The following USP25 variants were observed in gnomAD, a reference collection of about 807,000 sequenced individuals.
USP25 encodes ubiquitin carboxyl-terminal hydrolase 25.
Under a neutral mutation model 158.5 loss-of-function variants are expected in USP25, and 85 were observed. The ratio of observed to expected loss-of-function variants is 0.54; its 90% CI spans 0.45 to 0.64. The LOEUF is 0.64. Ranked by LOEUF, USP25 falls within the 30% of genes least tolerant of loss-of-function variation. USP25 has a pLI of 0.00. For missense variants in USP25, 1,242 were observed against 1,327.3 expected (o/e 0.94, Z 1.00); for synonymous variants, 464 against 460.4 (o/e 1.01, Z -0.10).
rs554303165 is a variant in USP25, at chr21:15,799,894, T to G, written c.642+51T>G. On this transcript the variant is annotated intron_variant, in intron 6 of 25. Transcript: ENST00000400183. ...CAGTATATATACTCTATATGTTCTC[T>G]TATATGTGATTGATTTTTGGGCATT... is the stretch of plus-strand genomic sequence containing the variant. 5.0e-6 allele frequency: 6 copies of G among 1,206,388 alleles called. No homozygotes were observed. In the South Asian group the frequency reaches 1.2e-4, roughly 24 times the overall value. 74.7% of individuals were successfully genotyped at this position (1,206,388 alleles called of 1,614,324 possible). A position where few individuals can be genotyped will look rare whatever the true frequency, so the allele number is the denominator to read the frequency against.
intron 1 of USP25, among the ~76,000 whole-genome samples, chr21:15,759,409 G>T (rs916797405): frequency 2.0e-5 from 3 of 152,130 alleles, no homozygotes; most frequent in South Asian, 2.1e-4. Flanking sequence ...GTCTAAGGTG[G>T]TTGGGGTACA....
At chr21:15,849,957 G>A in intron 20 of USP25, 85 bp downstream of exon 20, 1 of 1,081,622 alleles carries the variant, frequency 9.2e-7, no homozygotes. Context: ...ATTCAGTTTG[G>A]TTTTCTGTAT....
chr21:15,760,697 T>C (rs2033672159), intron 1 of USP25, among the ~76,000 whole-genome samples: 1 of 152,228 alleles, frequency 6.6e-6, no homozygotes. Context: ...ATTTTAAAAC[T>C]TTTTATTTTG....
intron 16 of USP25, 28 bp from the exon 17 acceptor site, chr21:15,833,320 A>G (rs1221123256): frequency 1.9e-6 from 3 of 1,589,970 alleles, no homozygotes; most frequent in Non-Finnish European, 2.6e-6. Flanking sequence ...TCTTAATTTT[A>G]TACTAGTTTT....
Position 15,816,220 on chromosome 21 carries a change from C to A in USP25, c.932-2478C>A, listed in dbSNP as rs1053658313. Among the ~76,000 whole-genome samples, 1 of 152,164 alleles carries A rather than the reference C, an allele frequency of 6.6e-6. No homozygotes were observed. The highest frequency in any genetic ancestry group is 1.5e-5 in the Non-Finnish European group (1 of 68,040). ...TTATCATGGGTTTCCACTTTTGCTT[C>A]TTCCTCATCTTCTCTTGCCTCTGCC... On this transcript the variant is annotated intron_variant, in intron 9 of 25. Transcript: ENST00000400183. This position sits in a 1 kb window ranked among gnomAD's most constrained non-coding sequence, Gnocchi z 4.0.
In USP25 at chr21:15,805,119, A is replaced by G. The variant is rs1483267884; in HGVS notation, c.643-2A>G. On this transcript the variant is annotated splice_acceptor_variant, in intron 6 of 25. Coordinates refer to ENST00000400183, the MANE Select transcript of USP25 (RefSeq NM_001283041.3). LOFTEE classifies it high-confidence loss of function. Reference sequence around the variant, plus strand: ...TTTGTTTTTGTTTTTTTCCTTCAATAGGAACATCGGAATTTGCCTTTTATG... The same window carrying G: ...TTTGTTTTTGTTTTTTTCCTTCAATGGGAACATCGGAATTTGCCTTTTATG... 6.4e-7 allele frequency: 1 copy of G among 1,574,684 alleles called. No homozygotes were observed. The highest frequency in any genetic ancestry group is 8.6e-7 in the Non-Finnish European group (1 of 1,167,180).
intron 2 of USP25, among the ~76,000 whole-genome samples, chr21:15,764,368 T>C (rs766888395): frequency 6.6e-6 from 1 of 151,664 alleles, no homozygotes; most frequent in Non-Finnish European, 1.5e-5. Context: ...TGAAGTCTTA[T>C]CCACATTTCC....
chr21:15,859,758 T>C (rs544533911), intron 20 of USP25, among the ~76,000 whole-genome samples: 1 of 152,102 alleles, frequency 6.6e-6, no homozygotes, highest in African/African-American at 2.4e-5. Flanking sequence ...TGTGTTATTC[T>C]TCAAGAAATT....
intron 1 of USP25, among the ~76,000 whole-genome samples, chr21:15,746,148 A>G (rs994883896): frequency 6.6e-6 from 1 of 152,104 alleles, no homozygotes; most frequent in African/African-American, 2.4e-5. Flanking sequence ...TCTTGTTAGA[A>G]ATTTGTTTTG....
intron 20 of USP25, 26 bp downstream of exon 20, chr21:15,849,898 G>A: frequency 2.1e-6 from 3 of 1,434,270 alleles, no homozygotes; most frequent in East Asian, 2.5e-5. Context: ...TCATTTTCGT[G>A]TCTTTTCTTT....
intron 19 of USP25, among the ~76,000 whole-genome samples, chr21:15,848,288 G>A (rs2038723868): frequency 6.6e-6 from 1 of 152,002 alleles, no homozygotes; most frequent in South Asian, 2.1e-4. Context: ...ACCGTTAATA[G>A]GACCTCCATG....
At chr21:15,847,501 T>A (rs1321603450) in intron 18 of USP25, among the ~76,000 whole-genome samples, 162 bp from the exon 19 acceptor site, 1 of 152,228 alleles carries the variant, frequency 6.6e-6, no homozygotes, top group Non-Finnish European at 1.5e-5. Flanking sequence ...GAGTATGTGC[T>A]TAAACAGTTT....
Position 15,878,631 on chromosome 21 carries a change from C to A in USP25, c.*156C>A. The A allele has an allele frequency of 1.5e-6, 1 of 684,912 alleles. No homozygotes were observed. Among genetic ancestry groups the A allele is most frequent in the Non-Finnish European group, 2.2e-6 (1 of 463,050 alleles). 42.4% of individuals were successfully genotyped at this position (684,912 alleles called of 1,614,324 possible). ...AATGACTATACAGACTTTAGTCAGA[C>A]TGCAGACAATAAAGCTGAAAATCGC... On this transcript the variant is annotated 3_prime_UTR_variant, in exon 26 of 26. Transcript: ENST00000400183.
At chr21:15,869,776 A>G (rs1466868833) in intron 22 of USP25, among the ~76,000 whole-genome samples, 1 of 152,144 alleles carries the variant, frequency 6.6e-6, no homozygotes, top group Non-Finnish European at 1.5e-5. Flanking sequence ...AATTTTTGAG[A>G]TGACCTGATT....
intron 1 of USP25, among the ~76,000 whole-genome samples, chr21:15,756,720 A>T (rs867638018): frequency 3.3e-5 from 5 of 152,134 alleles, no homozygotes; most frequent in African/African-American, 1.2e-4. Context: ...CAGTAAAAAT[A>T]ACAGGAAGGA....
chr21:15,833,938 A>G (rs1432362041), intron 17 of USP25, among the ~76,000 whole-genome samples: 1 of 152,170 alleles, frequency 6.6e-6, no homozygotes. Flanking sequence ...TAAAGCTATC[A>G]AGAGTAGTAA....
At chr21:15,849,494 G>A (rs1211693656) in intron 19 of USP25, among the ~76,000 whole-genome samples, 1 of 152,114 alleles carries the variant, frequency 6.6e-6, no homozygotes, top group Non-Finnish European at 1.5e-5. Context: ...TCAGAGGATA[G>A]CACATTTTTC....
At chr21:15,776,143 CA>C (rs1475998042) in intron 3 of USP25, among the ~76,000 whole-genome samples, 1 of 152,164 alleles carries the variant, frequency 6.6e-6, no homozygotes, top group Non-Finnish European at 1.5e-5. Context: ...GGGTTACACT[CA>C]TCTTCAGCTG....
intron 18 of USP25, among the ~76,000 whole-genome samples, chr21:15,844,225 A>G (rs2038472113): frequency 6.6e-6 from 1 of 152,162 alleles, no homozygotes; most frequent in South Asian, 2.1e-4. Flanking sequence ...GCGTCATGGT[A>G]ACTACTTCAT....
Sources: gnomAD v4.1 joint callset for allele counts (sites outside exome capture counted in the v4.1 genomes callset) on GRCh38, gnomAD v4.1.1 for gene constraint, Gnocchi (gnomAD v3.1) non-coding constraint, MANE v1.5 for transcripts, NCBI Gene and HGNC (gene_info 2026-07-23, HGNC 2026-07-21) for gene names.